Variants in SIMC1 observed in about 807,000 individuals in gnomAD.
The protein encoded by SIMC1 is SUMO interacting motifs containing 1, also known as SUMO-interacting motif-containing protein 1.
In SIMC1, 55 loss-of-function variants were observed where a neutral mutation model predicts 82.3. The observed-to-expected ratio is 0.67, with a 90% CI of 0.54 to 0.84. The LOEUF (loss-of-function observed/expected upper bound fraction) is 0.84. SIMC1 is among the 40% of genes least tolerant of loss of function. SIMC1 has a pLI of 0.00. For missense variants in SIMC1, 915 were observed against 1,107.2 expected (o/e 0.83, Z 2.46); for synonymous variants, 353 against 426.3 (o/e 0.83, Z 2.12).
chr5:176,275,863 A>T (rs374267288), intron 1 of SIMC1, among the ~76,000 whole-genome samples: 2,296 of 151,560 alleles, frequency 0.015, 58 homozygotes, highest in Non-Finnish European at 0.021. Flanking sequence ...GTGCTGCTGG[A>T]TTCGGTTTGC....
intron 1 of SIMC1, among the ~76,000 whole-genome samples, chr5:176,251,311 G>A (rs1418343033): frequency 6.6e-6 from 1 of 152,194 alleles, no homozygotes; most frequent in Non-Finnish European, 1.5e-5. Flanking sequence ...AGCAAGCCAA[G>A]GTCGTGCCAC....
At position 176,308,519 on chromosome 5, in the gene SIMC1, T is replaced by TA. The variant is rs1362781154; in HGVS notation, c.1735-5171dup. The TA allele has an allele frequency of 1.1e-5, 17 of 1,605,640 alleles. No individual in the cohort carries two copies. In the African/African-American group the frequency reaches 2.1e-4, roughly 20 times the overall value. ...TGATGGATCAAGGCTTTGTAGGACTTATTTTTTCCTGTTTCATAGAAGATA... is the reference window on the plus strand; with the variant it reads ...TGATGGATCAAGGCTTTGTAGGACTTAATTTTTTCCTGTTTCATAGAAGATA... On this transcript the variant is annotated intron_variant, in intron 4 of 9. Coordinates refer to ENST00000429602, the MANE Select transcript of SIMC1 (RefSeq NM_001308195.2).
intron 2 of SIMC1, among the ~76,000 whole-genome samples, chr5:176,294,104 T>C (rs1381272073): frequency 2.0e-5 from 3 of 152,192 alleles, no homozygotes; most frequent in African/African-American, 7.2e-5. Flanking sequence ...TATCCCTAAG[T>C]CTCTAGTTAC....
chr5:176,336,342 A>G (rs1018333821), intron 7 of SIMC1, among the ~76,000 whole-genome samples: 1 of 152,074 alleles, frequency 6.6e-6, no homozygotes, highest in Non-Finnish European at 1.5e-5. Flanking sequence ...CCCCTGTTCA[A>G]CTATCAGCTT....
At chr5:176,258,890 TC>T (rs780515997) in intron 1 of SIMC1, among the ~76,000 whole-genome samples, 1 of 152,054 alleles carries the variant, frequency 6.6e-6, no homozygotes, top group Admixed American at 6.6e-5. Context: ...GACAAAGTGT[TC>T]CTTCCTGTCT....
At chr5:176,275,021 T>C (rs1231631162) in intron 1 of SIMC1, among the ~76,000 whole-genome samples, 1 of 151,770 alleles carries the variant, frequency 6.6e-6, no homozygotes, top group East Asian at 1.9e-4. Flanking sequence ...AGAAAGTCAT[T>C]GGTAGCTTGA....
chr5:176,304,979 C>T (rs1376990917), intron 4 of SIMC1, among the ~76,000 whole-genome samples: 8 of 122,384 alleles, frequency 6.5e-5, no homozygotes, highest in Admixed American at 2.4e-4. Flanking sequence ...GTGAGGAGCC[C>T]CTCCGCCCGG....
chr5:176,272,961 C>T (rs572378194), intron 1 of SIMC1, among the ~76,000 whole-genome samples: 23 of 152,172 alleles, frequency 1.5e-4, no homozygotes, highest in Middle Eastern at 3.2e-3. Context: ...TGGAGCCCAC[C>T]GCAGCTCAAG....
chr5:176,312,523 A>C (rs111725204), intron 4 of SIMC1, among the ~76,000 whole-genome samples: 3 of 288 alleles, frequency 0.01, no homozygotes, highest in Non-Finnish European at 0.037. Context: ...GTGACAGACC[A>C]AAGACTCCAT....
chr5:176,334,521 G>A (rs867285219), intron 7 of SIMC1, among the ~76,000 whole-genome samples: 1 of 152,132 alleles, frequency 6.6e-6, no homozygotes, highest in South Asian at 2.1e-4. Flanking sequence ...TTCCCAGCCA[G>A]CTTGCAACCC....
chr5:176,266,112 C>G (rs1460659397), intron 1 of SIMC1, among the ~76,000 whole-genome samples: 1 of 152,014 alleles, frequency 6.6e-6, no homozygotes, highest in Admixed American at 6.6e-5. Context: ...TCTGAGGGCC[C>G]GGTGAGAAAT....
intron 4 of SIMC1, among the ~76,000 whole-genome samples, chr5:176,301,972 T>C (rs144909462): frequency 2.0e-3 from 301 of 152,324 alleles, no homozygotes; most frequent in African/African-American, 6.4e-3. Flanking sequence ...GATACCAAAA[T>C]TTGCAGATGT....
chr5:176,309,958 A>G (rs1222436754), intron 4 of SIMC1, among the ~76,000 whole-genome samples: 1 of 152,192 alleles, frequency 6.6e-6, no homozygotes. Context: ...CAAAAACTCA[A>G]CAATAAAAAC....
intron 5 of SIMC1, among the ~76,000 whole-genome samples, chr5:176,314,126 G>A (rs945187166): frequency 4.6e-5 from 7 of 152,134 alleles, no homozygotes; most frequent in African/African-American, 1.7e-4. Flanking sequence ...AATTAGCAGG[G>A]CGTGGTGGCG....
At chr5:176,280,540 T>C (rs1291767526) in intron 1 of SIMC1, among the ~76,000 whole-genome samples, 1 of 152,190 alleles carries the variant, frequency 6.6e-6, no homozygotes, top group African/African-American at 2.4e-5. Context: ...TCGATGGTCT[T>C]TACATTTTGG....
At chr5:176,288,410 A>AGAATGAATGAAT (rs746968105) in intron 1 of SIMC1, among the ~76,000 whole-genome samples, 129 of 132,866 alleles carry the variant, frequency 9.7e-4, no homozygotes, top group African/African-American at 3.2e-3. Context: ...CTCCATCTCA[A>AGAATGAATGAAT]GAATGAATGA....
intron 4 of SIMC1, among the ~76,000 whole-genome samples, chr5:176,303,168 T>C (rs994942773): frequency 2.0e-5 from 3 of 151,722 alleles, no homozygotes; most frequent in African/African-American, 7.3e-5. Flanking sequence ...CCCAGGAGGC[T>C]GAGTCCAGAG....
At chr5:176,325,559 G>A (rs896292312) in intron 7 of SIMC1, among the ~76,000 whole-genome samples, 2 of 151,356 alleles carry the variant, frequency 1.3e-5, no homozygotes, top group South Asian at 2.1e-4. Flanking sequence ...GGTGGTAGGC[G>A]CCTGTAGTCC....
In SIMC1 at chr5:176,345,184, A is replaced by G. The variant is rs200314270; in HGVS notation, c.2415A>G (p.Glu805=). The G allele has an allele frequency of 6.2e-6, 10 of 1,611,584 alleles. No homozygotes were observed. In the East Asian group the frequency reaches 2.2e-4, roughly 36 times the overall value. The part of the protein sequence containing the change: ...LLSSYQHVLR[E]HLRSSVIDRK... ...AACTGACTTTTTTCCCTCTTGCAGA[A>G]CACTTAAGGAGTTCCGTGATCGACC... Residue 805 remains glutamate (E), a splice_region_variant and synonymous_variant, in exon 10 of 10, where the codon GAA becomes GAG. Coordinates refer to ENST00000429602, the MANE Select transcript of SIMC1 (RefSeq NM_001308195.2).
Sources: allele counts gnomAD v4.1 joint callset (sites outside exome capture counted in the v4.1 genomes callset), GRCh38; gene constraint gnomAD v4.1.1; transcripts MANE v1.5; gene names NCBI Gene and HGNC (gene_info 2026-07-23, HGNC 2026-07-21).